The following MORC3 variants were observed in gnomAD, a reference collection of about 807,000 sequenced individuals.
MORC3 encodes MORC family CW-type zinc finger 3, also known as MORC family CW-type zinc finger protein 3.
MORC3 carries 31 observed loss-of-function variants against 109.1 expected under a neutral mutation model. That is an observed-to-expected ratio of 0.28 (90% CI 0.21 to 0.38). The LOEUF is 0.38. Among genes scored for constraint, MORC3 ranks in the 10% least tolerant of loss-of-function variants. The probability of loss-of-function intolerance (pLI) is 1.00; values close to 1 mark genes in which losing one functional copy is unlikely to be tolerated. For missense variants in MORC3, 867 were observed against 1,135.8 expected (o/e 0.76, Z 3.40); for synonymous variants, 395 against 380.7 (o/e 1.04, Z -0.44).
At chr21:36,320,385 G>A in intron 1 of MORC3, 82 bp downstream of exon 1, 2 of 1,231,990 alleles carry the variant, frequency 1.6e-6, no homozygotes, top group East Asian at 3.3e-5. Context: ...GTGGGCGGTG[G>A]CGGCTTGTGG....
intron 8 of MORC3, among the ~76,000 whole-genome samples, chr21:36,346,020 A>G (rs2085503802): frequency 6.6e-6 from 1 of 151,204 alleles, no homozygotes; most frequent in South Asian, 2.1e-4. Flanking sequence ...TTATTTATTT[A>G]TTTGTTTGTT....
intron 10 of MORC3, 92 bp downstream of exon 10, chr21:36,356,816 G>T: frequency 1.4e-6 from 1 of 729,540 alleles, no homozygotes; most frequent in Non-Finnish European, 2.2e-6. Flanking sequence ...ACAAACTTAG[G>T]ACTGTAACTC....
chr21:36,340,638 C>CTT (rs34899654), intron 5 of MORC3, among the ~76,000 whole-genome samples: 2,348 of 123,620 alleles, frequency 0.019, 50 homozygotes, highest in Non-Finnish European at 0.023. Flanking sequence ...TTCTTTCTTT[C>CTT]TTTTTTTTTT....
intron 1 of MORC3, among the ~76,000 whole-genome samples, chr21:36,328,952 TACA>T (rs1234231014): frequency 6.7e-6 from 1 of 148,484 alleles, no homozygotes; most frequent in Non-Finnish European, 1.5e-5. Flanking sequence ...GCTGATGAAC[TACA>T]ACAACAACAA....
chr21:36,367,769 GAAAC>G (rs1370953608), intron 14 of MORC3, among the ~76,000 whole-genome samples: 1 of 152,134 alleles, frequency 6.6e-6, no homozygotes. Context: ...TTTTCAGAAA[GAAAC>G]AGATTATGTA....
chr21:36,361,506 A>G (rs2085715039), intron 12 of MORC3, among the ~76,000 whole-genome samples: 1 of 120,056 alleles, frequency 8.3e-6, no homozygotes, highest in Non-Finnish European at 1.6e-5. Context: ...ACACCACTGC[A>G]TTCCAGCCTG....
intron 15 of MORC3, 82 bp downstream of exon 15, chr21:36,369,958 G>A (rs887553141): frequency 1.6e-5 from 24 of 1,499,250 alleles, no homozygotes; most frequent in African/African-American, 5.5e-5. Flanking sequence ...TGGGCGCGGT[G>A]GCTCATACCT....
At position 36,369,676 on chromosome 21, in the gene MORC3, G is replaced by C; in HGVS notation, c.2308G>C (p.Val770Leu). The C allele has an allele frequency of 6.2e-7, 1 of 1,614,168 alleles. No homozygotes were observed. The highest frequency in any genetic ancestry group is 8.5e-7 in the Non-Finnish European group (1 of 1,180,036). ...NGKSESPDHM[V>L]SQYQQALEEI... ...CAAATCTGAAAGTCCAGACCATATG[G>C]TATCTCAGTATCAGCAAGCTTTGGA... is the stretch of plus-strand genomic sequence containing the variant. The change falls in exon 15 of 17, where the codon GTA becomes CTA. Residue 770 changes from valine to leucine, a missense_variant. Coordinates refer to ENST00000400485, the MANE Select transcript of MORC3 (RefSeq NM_015358.3).
intron 10 of MORC3, among the ~76,000 whole-genome samples, chr21:36,359,556 C>CTTTTTTTTTTTTTTTTTTTTTTTTTTTT (rs5843757): frequency 1.1e-5 from 1 of 93,950 alleles, no homozygotes; most frequent in Admixed American, 1.4e-4. Context: ...CTTTCCTCTC[C>CTTTTTTTTTTTTTTTTTTTTTTTTTTTT]TTTTTTTTTT....
intron 14 of MORC3, among the ~76,000 whole-genome samples, chr21:36,365,090 C>T (rs201743396): frequency 5.4e-5 from 8 of 148,736 alleles, no homozygotes; most frequent in East Asian, 3.9e-4. Flanking sequence ...ATTAACAGTA[C>T]GACACTATAG....
intron 9 of MORC3, among the ~76,000 whole-genome samples, chr21:36,356,136 A>G (rs1181767156): frequency 6.6e-6 from 1 of 152,196 alleles, no homozygotes; most frequent in Non-Finnish European, 1.5e-5. Context: ...TTGTATGTAT[A>G]TAATTAATCT....
chr21:36,331,813 CAAGTT>C (rs1470677040), intron 1 of MORC3, among the ~76,000 whole-genome samples: 1 of 152,060 alleles, frequency 6.6e-6, no homozygotes, highest in Non-Finnish European at 1.5e-5. Flanking sequence ...AAACCTTAGA[CAAGTT>C]AAAGTTTTAT....
At chr21:36,343,453 T>C (rs1004963140) in intron 6 of MORC3, among the ~76,000 whole-genome samples, 4 of 147,364 alleles carry the variant, frequency 2.7e-5, no homozygotes, top group African/African-American at 9.9e-5. Flanking sequence ...TGCTTTCTTT[T>C]TTTTTTTTTT....
chr21:36,337,598 G>A, intron 3 of MORC3, 134 bp from the exon 4 acceptor site: 1 of 560,888 alleles, frequency 1.8e-6, no homozygotes, highest in Non-Finnish European at 2.8e-6. Context: ...GGAAGGGTGA[G>A]GCCAGTATTT....
chr21:36,351,357 C>T lies in MORC3; in HGVS notation c.1103+1949C>T, dbSNP rs187241261. Among the ~76,000 whole-genome samples, 269 of 152,232 alleles carry T rather than the reference C, an allele frequency of 1.8e-3. 1 individual carries two copies. The highest frequency in any genetic ancestry group is 4.1e-3 in the Admixed American group (63 of 15,254). ...GTGGGATTATGGGTGTGAGCCACCA[C>T]GCCCGGCCCTGTTGTCCTATTGTGG... On this transcript the variant is annotated intron_variant, in intron 9 of 16. Transcript: ENST00000400485.
intron 1 of MORC3, 197 bp downstream of exon 1, chr21:36,320,500 C>T (rs2085178639): frequency 2.3e-6 from 1 of 434,392 alleles, no homozygotes; most frequent in African/African-American, 2.1e-5. Context: ...GTTCCGTCGC[C>T]TCTGCATTGT....
chr21:36,336,092 ATTTT>A (rs71326676), intron 2 of MORC3, among the ~76,000 whole-genome samples: 1 of 137,752 alleles, frequency 7.3e-6, no homozygotes, highest in African/African-American at 2.7e-5. Context: ...TGCCTGGCTA[ATTTT>A]TTTTTTTTTT....
chr21:36,333,328 G>A (rs1293164081), intron 1 of MORC3: 1 of 273,454 alleles, frequency 3.7e-6, no homozygotes, highest in Non-Finnish European at 6.8e-6. Flanking sequence ...TAGGATTTTA[G>A]GGCCTTGGCT....
intron 7 of MORC3, 77 bp downstream of exon 7, chr21:36,344,784 A>T (rs959261886): frequency 6.3e-6 from 10 of 1,588,052 alleles, no homozygotes; most frequent in Non-Finnish European, 8.6e-6. Context: ...TTATATGCTG[A>T]TAGGGATTCT....
Sources: allele counts gnomAD v4.1 joint callset (sites outside exome capture counted in the v4.1 genomes callset), GRCh38; gene constraint gnomAD v4.1.1; transcripts MANE v1.5; gene names NCBI Gene and HGNC (gene_info 2026-07-23, HGNC 2026-07-21).